UROC1: variants seen among roughly 807,000 people sequenced by gnomAD.
UROC1 encodes the protein urocanate hydratase 1.
Under a neutral mutation model 89.5 loss-of-function variants are expected in UROC1, and 79 were observed. The observed-to-expected ratio is 0.88, with a 90% CI of 0.74 to 1.06. The LOEUF is 1.06. Ranked by LOEUF, UROC1 falls within the 50% of genes least tolerant of loss-of-function variation. The pLI is 0.00. For synonymous variants in UROC1, 361 were observed against 354.8 expected (o/e 1.02, Z -0.20); for missense variants, 885 against 907.8 (o/e 0.97, Z 0.32).
chr3:126,484,184 T>C (rs1210781104), intron 18 of UROC1, among the ~76,000 whole-genome samples: 1 of 152,232 alleles, frequency 6.6e-6, no homozygotes, highest in Non-Finnish European at 1.5e-5. Context: ...TTTTGATATG[T>C]TCTTGGTTTC....
intron 2 of UROC1, among the ~76,000 whole-genome samples, chr3:126,510,416 C>A (rs957754139): frequency 2.0e-5 from 3 of 152,246 alleles, no homozygotes; most frequent in Admixed American, 2.0e-4. Context: ...CTGCTCAGGA[C>A]AGATGGGCCG....
intron 1 of UROC1, among the ~76,000 whole-genome samples, chr3:126,513,642 C>T (rs994647649): frequency 1.1e-4 from 16 of 152,168 alleles, no homozygotes; most frequent in African/African-American, 3.6e-4. Flanking sequence ...TTAGAACAGC[C>T]CCTGGCACAC....
intron 19 of UROC1, 90 bp from the exon 20 acceptor site, chr3:126,482,575 C>T (rs536839139): frequency 5.8e-5 from 93 of 1,599,896 alleles, no homozygotes; most frequent in Middle Eastern, 3.5e-4. Context: ...CTCTCTGCTT[C>T]GGGACCTCTG....
chr3:126,499,216 G>A (rs901702374), intron 13 of UROC1, 121 bp downstream of exon 13: 16 of 1,071,340 alleles, frequency 1.5e-5, no homozygotes, highest in East Asian at 7.7e-5. Context: ...AGGTCTCAGC[G>A]CATGACCTCA....
At chr3:126,488,090 C>G in intron 18 of UROC1, 108 bp downstream of exon 18, 1 of 1,196,624 alleles carries the variant, frequency 8.4e-7, no homozygotes, top group Non-Finnish European at 1.3e-6. Flanking sequence ...GGGGAGGTGA[C>G]CAGGGAGGTA....
chr3:126,501,351 C>A (rs1935919584), intron 9 of UROC1, 71 bp from the exon 10 acceptor site: 1 of 1,571,714 alleles, frequency 6.4e-7, no homozygotes, highest in African/African-American at 1.3e-5. Context: ...CACCTGCACC[C>A]CAGCTGCACA....
rs150849853 is a variant in UROC1 at position 126,490,778 on chromosome 3, G to A, written c.1609-1403C>T. Among the ~76,000 whole-genome samples the A allele has an allele frequency of 8.7e-4, 133 of 152,238 alleles. 1 individual carries two copies. The highest frequency in any genetic ancestry group is 7.7e-3 in the Admixed American group (117 of 15,294). ...AAGAGAAGGAGTAGGGGGAGCCGTC[G>A]GACACTGCACAGGGAGCATGTCAGC... On this transcript the variant is annotated intron_variant, in intron 16 of 19. Transcript: ENST00000290868.
In UROC1 at chr3:126,504,035, C is replaced by T. The variant is rs1935997888; in HGVS notation, c.862G>A (p.Glu288Lys). The change falls in exon 9 of 20, where the codon GAA (glutamate) becomes AAA (lysine). Residue 288 changes from glutamate to lysine, a missense_variant. Coordinates refer to ENST00000290868, the MANE Select transcript of UROC1 (RefSeq NM_144639.3). ...CAGCGGTCCAAGCTGTCAGTCACTT[C>T]CATCAGCCAGCCCTGCCTGTGGCGT... is the stretch of plus-strand genomic sequence containing the variant. The part of the protein sequence containing the change: ...EKRHRQGWLM[E>K]VTDSLDRCIQ... The T allele has an allele frequency of 6.2e-7, 1 of 1,614,038 alleles. No individual in the cohort carries two copies. Among genetic ancestry groups the T allele is most frequent in the Non-Finnish European group, 8.5e-7 (1 of 1,180,046 alleles).
chr3:126,511,709 A>G (rs576407607), intron 1 of UROC1, among the ~76,000 whole-genome samples: 2 of 152,376 alleles, frequency 1.3e-5, no homozygotes, highest in African/African-American at 2.4e-5. Flanking sequence ...AAGAAGCTCA[A>G]TCTGTTCTGA....
chr3:126,493,762 C>T (rs1935709826), intron 15 of UROC1, among the ~76,000 whole-genome samples: 1 of 152,078 alleles, frequency 6.6e-6, no homozygotes, highest in Non-Finnish European at 1.5e-5. Flanking sequence ...GTATAATTTA[C>T]CATAATTAAA....
intron 9 of UROC1, 115 bp from the exon 10 acceptor site, chr3:126,501,395 G>T: frequency 8.0e-7 from 1 of 1,245,364 alleles, no homozygotes; most frequent in Non-Finnish European, 1.2e-6. Context: ...CAGAGGTGTT[G>T]TGTGCAAACG....
chr3:126,509,617 T>C lies in UROC1; in HGVS notation c.319A>G (p.Ile107Val). 1.3e-6 allele frequency: 2 copies of C among 1,552,104 alleles called. No homozygotes were observed. Among genetic ancestry groups the C allele is most frequent in the Non-Finnish European group, 1.7e-6 (2 of 1,147,182 alleles). The change falls in exon 3 of 20, where the codon ATT becomes GTT. Residue 107 changes from isoleucine (I) to valine (V), a missense_variant. Coordinates refer to ENST00000290868, the MANE Select transcript of UROC1 (RefSeq NM_144639.3). ...TKVAAAIMHM[I>V]MNNLDPAVAQ... ...ACGGCAGGATCCAGGTTGTTCATAA[T>C]CATGTGCATGATGGCGGCAGCCACT...
intron 9 of UROC1, chr3:126,501,804 G>T: frequency 6.3e-7 from 1 of 1,599,464 alleles, no homozygotes; most frequent in Non-Finnish European, 8.5e-7. Flanking sequence ...TGCTTACCAG[G>T]AGTGGCCTGG....
At chr3:126,494,131 C>A (rs749661924) in intron 15 of UROC1, among the ~76,000 whole-genome samples, 12 of 152,192 alleles carry the variant, frequency 7.9e-5, no homozygotes, top group Admixed American at 3.9e-4. Context: ...GGATTGCCCA[C>A]TTTGTCAAGA....
chr3:126,483,622 G>C (rs538840811), intron 18 of UROC1, among the ~76,000 whole-genome samples, 154 bp from the exon 19 acceptor site: 1 of 152,248 alleles, frequency 6.6e-6, no homozygotes, highest in African/African-American at 2.4e-5. Context: ...TGCAGGAGTC[G>C]TGCAGGCAAG....
chr3:126,512,491 A>C (rs1009165757), intron 1 of UROC1, among the ~76,000 whole-genome samples: 11 of 152,206 alleles, frequency 7.2e-5, no homozygotes, highest in African/African-American at 1.9e-4. Context: ...TTGGGAGACC[A>C]AGGTAGGAGG....
intron 14 of UROC1, among the ~76,000 whole-genome samples, chr3:126,496,471 G>A (rs62266264): frequency 0.068 from 10,396 of 152,248 alleles, 388 homozygotes; most frequent in East Asian, 0.1. Context: ...GTGGATGCGG[G>A]GGCTTTCTGA....
rs775450030 is a variant in UROC1, at chr3:126,510,707, C to T, written c.214G>A (p.Gly72Arg). 8.1e-6 allele frequency: 13 copies of T among 1,614,050 alleles called. No individual in the cohort carries two copies. The East Asian group carries it at 2.0e-4, about 25-fold the overall frequency. ...PEFAQELQLY[G>R]HIYMYRFCPD... ...CAAAACCGGTACATGTAGATGTGTC[C>T]GTACAGTTGCAGCTCCTGGGCAAAC... Residue 72 changes from glycine (G) to arginine (R), a missense_variant, in exon 2 of 20, where the codon GGA becomes AGA. Gly to Arg is a moderately radical substitution (Grantham distance 125). Transcript: ENST00000290868.
chr3:126,507,371 C>A lies in UROC1; in HGVS notation c.602+371G>T, dbSNP rs968473810. Among the ~76,000 whole-genome samples, 95 of 127,984 alleles carry A rather than the reference C, an allele frequency of 7.4e-4. 1 individual carries two copies. The highest frequency in any genetic ancestry group is 1.2e-3 in the Non-Finnish European group (72 of 59,424). 84.0% of individuals were successfully genotyped at this position (127,984 alleles called of 152,430 possible). A position where few individuals can be genotyped will look rare whatever the true frequency, so the allele number is the denominator to read the frequency against. On this transcript the variant is annotated intron_variant, in intron 6 of 19. Transcript: ENST00000290868. ...TGAGATGCATAAAAAAAAAAAAAAA[C>A]AAGTTGAATGGATGGATAGGCAGAG...
Sources: allele counts gnomAD v4.1 joint callset (sites outside exome capture counted in the v4.1 genomes callset), GRCh38; gene constraint gnomAD v4.1.1; transcripts MANE v1.5; gene names NCBI Gene and HGNC (gene_info 2026-07-23, HGNC 2026-07-21).